Variants in PIGT observed in about 807,000 individuals in gnomAD.
PIGT encodes the protein GPI-anchor transamidase component PIGT.
PIGT carries 57 observed loss-of-function variants against 66.7 expected under a neutral mutation model. The observed-to-expected ratio is 0.86, with a 90% CI of 0.69 to 1.07. PIGT has a LOEUF of 1.07. Among genes scored for constraint, PIGT ranks in the 50% least tolerant of loss-of-function variants. The pLI is 0.00. For synonymous variants in PIGT, 362 were observed against 320.5 expected (o/e 1.13, Z -1.38); for missense variants, 725 against 740.4 (o/e 0.98, Z 0.24).
rs752011760 is a variant in PIGT, at chr20:45,424,230, C to G, written c.1249C>G (p.Gln417Glu). 9.9e-6 allele frequency: 16 copies of G among 1,614,010 alleles called. No individual in the cohort carries two copies. The East Asian group carries it at 2.9e-4, about 29-fold the overall frequency. Reference protein sequence around the residue: ...KENKPSYIHYQPAQDRLQPHL... With the variant: ...KENKPSYIHYEPAQDRLQPHL... ...CATGTCTCCAGGTTACATCCACTAC[C>G]AGCCTGCCCAGGACCGGCTGCAACC... Residue 417 changes from glutamine to glutamate, a missense_variant, in exon 10 of 12, where the codon CAG (glutamine) becomes GAG (glutamate). Around this residue, in one of 3 missense-constraint regions of PIGT, gnomAD observed 559 missense variants for 552.7 expected, o/e 1.01. Coordinates refer to ENST00000279036, the MANE Select transcript of PIGT (RefSeq NM_015937.6).
intron 11 of PIGT, 81 bp downstream of exon 11, chr20:45,424,660 G>T: frequency 9.7e-7 from 1 of 1,028,302 alleles, no homozygotes. Flanking sequence ...TCCTGCAGGG[G>T]AGTTCAGGGT....
At chr20:45,416,493 A>C in intron 1 of PIGT, 24 bp from the exon 2 acceptor site, 2 of 1,609,342 alleles carry the variant, frequency 1.2e-6, no homozygotes, top group Middle Eastern at 1.7e-4. Context: ...GGGGATCGTC[A>C]CTCACCTGCT....
At chr20:45,419,700 T>C in intron 5 of PIGT, 110 bp downstream of exon 5, 1 of 796,580 alleles carries the variant, frequency 1.3e-6, no homozygotes, top group Non-Finnish European at 2.2e-6. Flanking sequence ...GTGGTAGATG[T>C]GATGACGGTT....
intron 2 of PIGT, chr20:45,417,431 A>T (rs1990054166): frequency 6.6e-6 from 1 of 152,214 alleles, no homozygotes; most frequent in African/African-American, 2.4e-5. Context: ...CAGCTCTGCC[A>T]CTCAGCTTCT....
Position 45,424,569 on chromosome 20 carries a change from T to C in PIGT, c.1474T>C (p.Phe492Leu). 6.2e-7 allele frequency: 1 copy of C among 1,613,684 alleles called. No homozygotes were observed. Among genetic ancestry groups the C allele is most frequent in the Non-Finnish European group, 8.5e-7 (1 of 1,179,596 alleles). ...KPVDWEESPLFNSLFPVSDGS... is the reference protein window; with the variant it reads ...KPVDWEESPLLNSLFPVSDGS... ...AGTGGACTGGGAAGAGAGTCCCCTC[T>C]TCAACAGCCTGTAAGTGTGACCACA... is the stretch of plus-strand genomic sequence containing the variant. The change falls in exon 11 of 12, where the codon TTC (phenylalanine) becomes CTC (leucine). Residue 492 changes from phenylalanine to leucine, a missense_variant. Physicochemically the swap from Phe to Leu is conservative, Grantham distance 22. Coordinates refer to ENST00000279036, the MANE Select transcript of PIGT (RefSeq NM_015937.6).
chr20:45,416,251 A>G lies in PIGT; in HGVS notation c.95A>G (p.Glu32Gly). 6.3e-7 allele frequency: 1 copy of G among 1,596,112 alleles called. No homozygotes were observed. Residue 32 changes from glutamate to glycine, a missense_variant, in exon 1 of 12, where the codon GAG becomes GGG. Physicochemically the swap from Glu to Gly is moderately conservative, Grantham distance 98 (BLOSUM62 -2). Coordinates refer to ENST00000279036, the MANE Select transcript of PIGT (RefSeq NM_015937.6). ...GAACCCCCACGCGACAGCCTGCGGG[A>G]GGAACTTGTCATCACCCCGCTGCCT... ...LAEPPRDSLR[E>G]ELVITPLPSG...
chr20:45,420,367 A>G lies in PIGT; in HGVS notation c.805A>G (p.Thr269Ala), dbSNP rs368747168. The G allele has an allele frequency of 1.9e-6, 3 of 1,613,456 alleles. No homozygotes were observed. In the African/African-American group the frequency reaches 4.0e-5, roughly 22 times the overall value. The change falls in exon 7 of 12, where the codon ACG becomes GCG. Residue 269 changes from threonine (T) to alanine (A), a missense_variant. Thr to Ala is a moderately conservative substitution (Grantham distance 58). This residue lies in a region of PIGT where 559 missense variants were observed against 552.7 expected (regional missense o/e 1.01). Transcript: ENST00000279036. ...SLFRMFSRTL[T>A]EPCPLASESR... ...CTTCCGGATGTTCTCCCGAACCCTC[A>G]CGGAGCCCTGCCCCCTGGCTTCAGA...
At chr20:45,419,259 C>T in intron 3 of PIGT, 36 bp from the exon 4 acceptor site, 3 of 1,561,002 alleles carry the variant, frequency 1.9e-6, no homozygotes, top group Non-Finnish European at 2.6e-6. Context: ...GGTCAGAGCC[C>T]AAGGCCCACC....
chr20:45,425,165 TTCTTTC>T (rs1285142898), intron 11 of PIGT: 2 of 143,400 alleles, frequency 1.4e-5, no homozygotes, highest in African/African-American at 5.2e-5. Context: ...CTTTCTTTCT[TTCTTTC>T]TTTCTTTCTT....
Position 45,418,940 on chromosome 20 carries a change from A to G in PIGT, c.454A>G (p.Thr152Ala), listed in dbSNP as rs372440884. The G allele has an allele frequency of 2.5e-6, 4 of 1,613,758 alleles. No individual in the cohort carries two copies. In the African/African-American group the frequency reaches 5.3e-5, roughly 22 times the overall value. Reference protein sequence around the residue: ...LNFIDSTNTVTPTASFKPLGL... With the variant: ...LNFIDSTNTVAPTASFKPLGL... ...CTTCATCGACTCCACCAACACAGTCACTCCCACTGCCTCCTTCAAACCCCT... is the reference window on the plus strand; with the variant it reads ...CTTCATCGACTCCACCAACACAGTCGCTCCCACTGCCTCCTTCAAACCCCT... The change falls in exon 3 of 12, where the codon ACT becomes GCT. Residue 152 changes from threonine to alanine, a missense_variant. By Grantham distance (58) the Thr-to-Ala change is moderately conservative (BLOSUM62 0). Transcript: ENST00000279036.
At position 45,420,377 on chromosome 20, in the gene PIGT, G is replaced by A; in HGVS notation, c.815G>A (p.Cys272Tyr). The A allele has an allele frequency of 1.9e-6, 3 of 1,613,574 alleles. No individual in the cohort carries two copies. Among genetic ancestry groups the A allele is most frequent in the Admixed American group, 3.3e-5 (2 of 59,976 alleles). ...TTCTCCCGAACCCTCACGGAGCCCT[G>A]CCCCCTGGCTTCAGAGAGCCGAGTC... ...RMFSRTLTEP[C>Y]PLASESRVYV... is the part of the protein sequence containing the mutation. Residue 272 changes from cysteine (C) to tyrosine (Y), a missense_variant, in exon 7 of 12, where the codon TGC (cysteine) becomes TAC (tyrosine). Cys to Tyr is a radical substitution (Grantham distance 194). Around this residue, in one of 3 missense-constraint regions of PIGT, gnomAD observed 559 missense variants for 552.7 expected, o/e 1.01. Coordinates refer to ENST00000279036, the MANE Select transcript of PIGT (RefSeq NM_015937.6).
Position 45,416,691 on chromosome 20 carries a change from CTGAG to C in PIGT, c.365+4_365+7del. The C allele has an allele frequency of 6.2e-7, 1 of 1,612,132 alleles. No homozygotes were observed. The highest frequency in any genetic ancestry group is 8.5e-7 in the Non-Finnish European group (1 of 1,179,488). Reference sequence around the variant, plus strand: ...TGGGTCTGGTTCCAAGACACTGTCACTGAGTGAGTGCACACCTTGGGCCCTGTTG... The same window carrying C: ...TGGGTCTGGTTCCAAGACACTGTCACTGAGTGCACACCTTGGGCCCTGTTG... On this transcript the variant is annotated splice_donor_variant and coding_sequence_variant, in exon 2 of 12. Coordinates refer to ENST00000279036, the MANE Select transcript of PIGT (RefSeq NM_015937.6). LOFTEE classifies it high-confidence loss of function.
chr20:45,420,920 G>A lies in PIGT; in HGVS notation c.1033+227G>A, dbSNP rs1427738682. On this transcript the variant is annotated intron_variant, in intron 8 of 11. Transcript: ENST00000279036. ...ATAGAGTATACTTAGCAAATTGGAT[G>A]AGATGATGTGAAAAATGGAGTTAGT... 3 of 585,058 alleles carry A rather than the reference G, an allele frequency of 5.1e-6. No individual in the cohort carries two copies. In the African/African-American group the frequency reaches 5.6e-5, roughly 11 times the overall value. 36.2% of individuals were successfully genotyped at this position (585,058 alleles called of 1,614,324 possible).
intron 11 of PIGT, chr20:45,425,156 T>TTTCC: frequency 8.8e-6 from 1 of 113,894 alleles, no homozygotes; most frequent in African/African-American, 3.5e-5. Flanking sequence ...TCTTTCTTTC[T>TTTCC]TTCTTTCTTT....
rs1394886525 is a variant in PIGT, at chr20:45,421,457, A to G, written c.1108A>G (p.Thr370Ala). ...GYGLQKGELS[T>A]LLYNTHPYRA... ...TGGGCTGCAGAAGGGGGAGCTGAGC[A>G]CACTGCTGTACAACACCCACCCATA... Residue 370 changes from threonine (T) to alanine (A), a missense_variant, in exon 9 of 12, where the codon ACA (threonine) becomes GCA (alanine). Physicochemically the swap from Thr to Ala is moderately conservative, Grantham distance 58. Transcript: ENST00000279036. 2 of 1,614,180 alleles carry G rather than the reference A, an allele frequency of 1.2e-6. No homozygotes were observed. Among genetic ancestry groups the G allele is most frequent in the African/African-American group, 1.3e-5 (1 of 75,034 alleles).
intron 11 of PIGT, chr20:45,424,937 G>T (rs1476904355): frequency 1.7e-5 from 5 of 295,172 alleles, no homozygotes; most frequent in Non-Finnish European, 3.3e-5. Flanking sequence ...CAGTCTAGAA[G>T]GAAGATTCTG....
chr20:45,420,696 G>C lies in PIGT; in HGVS notation c.1033+3G>C, dbSNP rs1284878526. On this transcript the variant is annotated splice_donor_region_variant and intron_variant, in intron 8 of 11. Transcript: ENST00000279036. The stretch of plus-strand genomic sequence containing the variant: ...GTGGAAGAGACCCCCAGAGAATGGT[G>C]AGTGGGTGGTTGGTTGGACTGCTGG... 1 of 1,613,934 alleles carries C rather than the reference G, an allele frequency of 6.2e-7. No homozygotes were observed. Among genetic ancestry groups the C allele is most frequent in the Admixed American group, 1.7e-5 (1 of 59,988 alleles).
intron 9 of PIGT, 82 bp downstream of exon 9, chr20:45,421,665 G>T: frequency 8.5e-7 from 1 of 1,177,876 alleles, no homozygotes; most frequent in Non-Finnish European, 1.2e-6. Flanking sequence ...ATTTCCCAGG[G>T]TAGTTCCTGA....
chr20:45,421,000 A>G lies in PIGT; in HGVS notation c.1033+307A>G, dbSNP rs920268650. ...TTTGAATTCATACTAAGTGCCAGGC[A>G]TAGAGTGTTGAATAAGACAGAGGAC... On this transcript the variant is annotated intron_variant, in intron 8 of 11. Transcript: ENST00000279036. The G allele has an allele frequency of 1.1e-5, 6 of 526,758 alleles. No individual in the cohort carries two copies. In the African/African-American group the frequency reaches 1.1e-4, roughly 10 times the overall value. 32.6% of individuals were successfully genotyped at this position (526,758 alleles called of 1,614,324 possible).
Sources: gnomAD v4.1 joint callset for allele counts on GRCh38, gnomAD v4.1.1 for gene constraint, gnomAD v4.1.1 regional missense constraint, MANE v1.5 for transcripts, NCBI Gene and HGNC (gene_info 2026-07-23, HGNC 2026-07-21) for gene names.